Variants in DVL1 observed in about 807,000 individuals in gnomAD.
DVL1 encodes segment polarity protein dishevelled homolog DVL-1.
A neutral mutation model predicts 65.0 loss-of-function variants in DVL1; 49 were observed. The ratio of observed to expected loss-of-function variants is 0.75; its 90% CI spans 0.60 to 0.96. The LOEUF (loss-of-function observed/expected upper bound fraction) is 0.96. Among genes scored for constraint, DVL1 ranks in the 40% least tolerant of loss-of-function variants. The pLI is 0.00. For missense variants in DVL1, 1,197 were observed against 1,045.4 expected (o/e 1.15, Z -2.00); for synonymous variants, 608 against 433.9 (o/e 1.40, Z -4.99).
chr1:1,340,485 C>A lies in DVL1; in HGVS notation c.624G>T (p.Glu208Asp), dbSNP rs762418854. The change falls in exon 6 of 15, where the codon GAG (glutamate) becomes GAT (aspartate). Residue 208 changes from glutamate (E) to aspartate (D), a missense_variant. Transcript: ENST00000378888. ...GSTSRLSSST[E>D]QSTSSRLIRK... ...GGATGAGTCTGGATGAGGTGCTCTG[C>A]TCCGTGGAGCTGCTGAGCCTGGGAA... 6.2e-7 allele frequency: 1 copy of A among 1,607,126 alleles called. No individual in the cohort carries two copies. The highest frequency in any genetic ancestry group is 1.7e-5 in the Admixed American group (1 of 58,644).
intron 2 of DVL1, 56 bp from the exon 3 acceptor site, chr1:1,342,540 C>A: frequency 6.3e-7 from 1 of 1,585,158 alleles, no homozygotes; most frequent in Non-Finnish European, 8.6e-7. Flanking sequence ...GACGCCTCCT[C>A]AGGGCACCCA....
chr1:1,336,966 G>A, intron 14 of DVL1: 1 of 983,678 alleles, frequency 1.0e-6, no homozygotes, highest in Non-Finnish European at 1.2e-6. Context: ...GAGCTGGAGG[G>A]CGTGGCTGGC....
chr1:1,336,436 C>G lies in DVL1; in HGVS notation c.1794G>C (p.Gly598=). 6.3e-7 allele frequency: 1 copy of G among 1,586,070 alleles called. No individual in the cohort carries two copies. Among genetic ancestry groups the G allele is most frequent in the Non-Finnish European group, 8.5e-7 (1 of 1,172,830 alleles). Residue 598 remains glycine, a synonymous_variant, in exon 15 of 15, where the codon GGG becomes GGC. Transcript: ENST00000378888. The part of the protein sequence containing the change: ...REKERRAAGA[G]GSGSESDHTA... ...TGTGATCCGATTCACTGCCACTGCC[C>G]CCAGCTCCCGCCGCCCGACGCTCCT... is the stretch of plus-strand genomic sequence containing the variant.
chr1:1,338,837 G>C (rs1027921100), intron 11 of DVL1, among the ~76,000 whole-genome samples, 184 bp from the exon 12 acceptor site: 1 of 152,210 alleles, frequency 6.6e-6, no homozygotes, highest in Admixed American at 6.5e-5. Context: ...GAGCAGGGGG[G>C]TTGGACATTT....
At position 1,339,377 on chromosome 1, in the gene DVL1, C is replaced by A; in HGVS notation, c.1117G>T (p.Ala373Ser). The A allele has an allele frequency of 6.5e-7, 1 of 1,548,956 alleles. No individual in the cohort carries two copies. Among genetic ancestry groups the A allele is most frequent in the Non-Finnish European group, 8.7e-7 (1 of 1,146,856 alleles). The change falls in exon 11 of 15, where the codon GCC (alanine) becomes TCC (serine). Residue 373 changes from alanine (A) to serine (S), a missense_variant. Transcript: ENST00000378888. Reference protein sequence around the residue: ...WLSHTAALTGALPRYGTSPCS... With the variant: ...WLSHTAALTGSLPRYGTSPCS... ...GGACTCGTACCGTAGCGGGGCAGGG[C>A]TCCTGTCAGTGCCGCCGTGTGGGAC...
In DVL1 at chr1:1,342,123, G is replaced by T. The variant is rs772290424; in HGVS notation, c.396C>A (p.Asp132Glu). ...PNVASSRDGMDNETGTESMVS... is the reference protein window; with the variant it reads ...PNVASSRDGMENETGTESMVS... ...CCATGGACTCCGTGCCTGTCTCGTT[G>T]TCCATCCCGTCACGGCTGCTGGCCA... The change falls in exon 4 of 15, where the codon GAC becomes GAA. Residue 132 changes from aspartate to glutamate, a missense_variant. Transcript: ENST00000378888. 2 of 1,588,354 alleles carry T rather than the reference G, an allele frequency of 1.3e-6. No individual in the cohort carries two copies. The highest frequency in any genetic ancestry group is 2.3e-5 in the South Asian group (2 of 87,230).
intron 2 of DVL1, 90 bp downstream of exon 2, chr1:1,342,599 G>T: frequency 6.3e-7 from 1 of 1,579,734 alleles, no homozygotes. Flanking sequence ...GCCTGCCAGG[G>T]CCTCCCCACA....
chr1:1,342,532 C>T (rs558183247), intron 2 of DVL1, 48 bp from the exon 3 acceptor site: 39 of 1,592,972 alleles, frequency 2.4e-5, no homozygotes, highest in South Asian at 2.1e-4. Flanking sequence ...GCCTTCAGGA[C>T]GCCTCCTCAG....
At position 1,339,339 on chromosome 1, in the gene DVL1, G is replaced by A. The variant is rs754445289; in HGVS notation, c.1155C>T (p.Ala385=). The A allele has an allele frequency of 2.8e-5, 43 of 1,548,548 alleles. 1 individual carries two copies. In the South Asian group the frequency reaches 3.5e-4, roughly 12 times the overall value. The part of the protein sequence containing the change: ...PRYGTSPCSS[A]VTRTSSSSLT... ...GTGAGGAGGAGCTGGTGCGCGTGAC[G>A]GCGCTGGAGCAGGGACTCGTACCGT... The change falls in exon 11 of 15, where the codon GCC becomes GCT. Residue 385 remains alanine (A), a synonymous_variant. Transcript: ENST00000378888.
intron 1 of DVL1, among the ~76,000 whole-genome samples, chr1:1,343,035 C>A (rs1353767749): frequency 4.6e-5 from 7 of 152,142 alleles, no homozygotes. Flanking sequence ...GGCCCCCACC[C>A]CCCCAGCATG....
At chr1:1,340,952 C>G (rs1368009388) in intron 5 of DVL1, among the ~76,000 whole-genome samples, 1 of 147,310 alleles carries the variant, frequency 6.8e-6, no homozygotes, top group Non-Finnish European at 1.5e-5. Flanking sequence ...CACACGCACC[C>G]CTGCACACTA....
intron 14 of DVL1, 185 bp downstream of exon 14, chr1:1,337,792 C>T (rs1363109041): frequency 1.4e-6 from 1 of 712,464 alleles, no homozygotes; most frequent in Non-Finnish European, 2.5e-6. Flanking sequence ...CACCCAGGGC[C>T]CAAGTACACA....
chr1:1,337,905 G>A, intron 14 of DVL1, 72 bp downstream of exon 14: 3 of 1,227,420 alleles, frequency 2.4e-6, no homozygotes, highest in Non-Finnish European at 2.3e-6. Context: ...GGAACTGGGG[G>A]CGGAGCAGCA....
At chr1:1,337,803 G>T (rs1390855457) in intron 14 of DVL1, 174 bp downstream of exon 14, 3 of 718,616 alleles carry the variant, frequency 4.2e-6, no homozygotes, top group Non-Finnish European at 7.5e-6. Context: ...CAAGTACACA[G>T]CAGGAGCATG....
chr1:1,338,731 C>T lies in DVL1; in HGVS notation c.1208-78G>A, dbSNP rs558819512. 4 of 1,536,458 alleles carry T rather than the reference C, an allele frequency of 2.6e-6. No homozygotes were observed. In the South Asian group the frequency reaches 3.6e-5, roughly 14 times the overall value. On this transcript the variant is annotated intron_variant, in intron 11 of 14. Coordinates refer to ENST00000378888, the MANE Select transcript of DVL1 (RefSeq NM_001330311.2). ...TCAGGGCCCTGCACCCCCAGGGGAG[C>T]CTCTGGGCAGAGCCTGCGCCAGGGC...
At chr1:1,340,219 G>A (rs1215648294) in intron 7 of DVL1, 28 bp downstream of exon 7, 1 of 1,613,698 alleles carries the variant, frequency 6.2e-7, no homozygotes, top group Non-Finnish European at 8.5e-7. Flanking sequence ...CCCTGCCCCT[G>A]CCCCCAACCC....
At chr1:1,338,229 T>TTGGCGCC in intron 13 of DVL1, 40 bp downstream of exon 13, 8 of 1,522,358 alleles carry the variant, frequency 5.3e-6, no homozygotes, top group Non-Finnish European at 6.3e-6. Flanking sequence ...CCTCCGGCGT[T>TTGGCGCC]CCCCTCCCCC....
rs307361 is a variant in DVL1, at chr1:1,342,857, T to C, written c.171-99A>G. The C allele has an allele frequency of 0.97, 1,140,681 of 1,180,734 alleles. 551,350 individuals carry two copies. Among genetic ancestry groups the C allele is most frequent in the African/African-American group, 0.99 (64,862 of 65,658 alleles). The allele number at this position is 1,180,734 out of a possible 1,614,324, so 73.1% of individuals were successfully genotyped here. ...GCAGGCGCTCCTCCTGCCCACACAA[T>C]GTCACTCTGTGGACACCCCTGCTAG... On this transcript the variant is annotated intron_variant, in intron 1 of 14. Transcript: ENST00000378888.
chr1:1,348,359 G>C (rs1398238127), intron 1 of DVL1, among the ~76,000 whole-genome samples: 2 of 152,204 alleles, frequency 1.3e-5, no homozygotes, highest in Non-Finnish European at 2.9e-5. Flanking sequence ...ACACGGGTAG[G>C]CGAATAAAGT....
Sources: gnomAD v4.1 joint callset for allele counts (sites outside exome capture counted in the v4.1 genomes callset) on GRCh38, gnomAD v4.1.1 for gene constraint, MANE v1.5 for transcripts, NCBI Gene and HGNC (gene_info 2026-07-23, HGNC 2026-07-21) for gene names.